Variants in PRKG1 observed in about 807,000 individuals in gnomAD.
The protein encoded by PRKG1 is protein kinase cGMP-dependent 1.
In PRKG1, 35 loss-of-function variants were observed where a neutral mutation model predicts 88.1. That is an observed-to-expected ratio of 0.40 (90% CI 0.30 to 0.53). The LOEUF is 0.53. Among genes scored for constraint, PRKG1 ranks in the 20% least tolerant of loss-of-function variants. The pLI, the probability that PRKG1 is intolerant of heterozygous loss-of-function variation, is 0.59. For synonymous variants in PRKG1, 303 were observed against 292.5 expected, an observed-to-expected ratio of 1.04 and a Z score of -0.37; for missense variants, 540 against 839.8, an observed-to-expected ratio of 0.64 and a Z score of 4.41.
rs1173572561 is a variant in PRKG1 at position 51,858,559 on chromosome 10, TA to T, written c.699-48938del. On this transcript the variant is annotated intron_variant, in intron 4 of 17. Coordinates refer to ENST00000373980, the MANE Select transcript of PRKG1 (RefSeq NM_006258.4). ...TCAGGCATGAACATATTGCAGATTC[TA>T]AAAAAAAAACCCTATTAAAACATTT... 7.6e-3 allele frequency among the ~76,000 whole-genome samples: 1,063 copies of T among 138,966 alleles called. 13 individuals carry two copies. Among genetic ancestry groups the T allele is most frequent in the African/African-American group, 0.026 (993 of 38,000 alleles). 91.2% of individuals were successfully genotyped at this position (138,966 alleles called of 152,430 possible).
chr10:52,095,128 C>T (rs1221979857), intron 7 of PRKG1, among the ~76,000 whole-genome samples: 1 of 152,150 alleles, frequency 6.6e-6, no homozygotes, highest in Non-Finnish European at 1.5e-5. Flanking sequence ...TTTACTTCTC[C>T]CCTCTATAGC....
chr10:51,820,240 T>G (rs1227514982), intron 4 of PRKG1, among the ~76,000 whole-genome samples: 1 of 152,200 alleles, frequency 6.6e-6, no homozygotes, highest in Non-Finnish European at 1.5e-5. Flanking sequence ...GCAGCTTTAG[T>G]GTTGCTGATA....
At chr10:52,054,249 C>T (rs1846056151) in intron 5 of PRKG1, among the ~76,000 whole-genome samples, 1 of 151,990 alleles carries the variant, frequency 6.6e-6, no homozygotes, top group Admixed American at 6.5e-5. Flanking sequence ...TGCACATGTA[C>T]CCTAAAACTT....
intron 3 of PRKG1, among the ~76,000 whole-genome samples, chr10:51,768,496 T>C (rs1838225852): frequency 6.6e-6 from 1 of 152,178 alleles, no homozygotes; most frequent in Admixed American, 6.6e-5. Context: ...TTTGTCCACA[T>C]TGCAAGTACC....
At chr10:52,044,243 T>C (rs1845815041) in intron 5 of PRKG1, among the ~76,000 whole-genome samples, 1 of 152,232 alleles carries the variant, frequency 6.6e-6, no homozygotes, top group Admixed American at 6.6e-5. Context: ...TATACCAAAA[T>C]GTAATTATAA....
intron 2 of PRKG1, among the ~76,000 whole-genome samples, chr10:51,252,030 A>G (rs544883896): frequency 2.7e-4 from 41 of 151,916 alleles, no homozygotes; most frequent in Non-Finnish European, 3.4e-4. Flanking sequence ...TATTGCATAT[A>G]TACGTTATTA....
intron 12 of PRKG1, among the ~76,000 whole-genome samples, chr10:52,273,604 T>C (rs1362761337): frequency 6.6e-6 from 1 of 152,106 alleles, no homozygotes; most frequent in East Asian, 1.9e-4. Flanking sequence ...TTTCGTGTTA[T>C]TCCCATGGCC....
intron 2 of PRKG1, among the ~76,000 whole-genome samples, chr10:51,322,205 C>T (rs1841475636): frequency 6.6e-6 from 1 of 152,094 alleles, no homozygotes. Flanking sequence ...GTCCTGAGGC[C>T]AGTGACAGCT....
chr10:51,960,416 A>C (rs1001771), intron 5 of PRKG1, among the ~76,000 whole-genome samples: 1 of 152,150 alleles, frequency 6.6e-6, no homozygotes, highest in Non-Finnish European at 1.5e-5. Flanking sequence ...TAACTTATAT[A>C]AACTATAATA....
intron 3 of PRKG1, among the ~76,000 whole-genome samples, chr10:51,801,910 C>T (rs2132606027): frequency 6.6e-6 from 1 of 152,220 alleles, no homozygotes; most frequent in Middle Eastern, 3.4e-3. Flanking sequence ...CATACTTGAA[C>T]AAAAAGGAAA....
chr10:51,026,062 T>C (rs914062727), intron 1 of PRKG1, among the ~76,000 whole-genome samples: 3 of 151,740 alleles, frequency 2.0e-5, no homozygotes, highest in African/African-American at 7.3e-5. Flanking sequence ...AAAACAGAGA[T>C]TGGGGTGATG....
chr10:51,506,129 C>T (rs929953440), intron 3 of PRKG1, among the ~76,000 whole-genome samples: 3 of 152,102 alleles, frequency 2.0e-5, no homozygotes, highest in Non-Finnish European at 4.4e-5. Flanking sequence ...TGGATCCCTT[C>T]CTTACACCTT....
intron 7 of PRKG1, among the ~76,000 whole-genome samples, chr10:52,123,982 T>C (rs1390296651): frequency 3.9e-5 from 6 of 152,200 alleles, no homozygotes; most frequent in Non-Finnish European, 4.4e-5. Flanking sequence ...ATAAGCTCTT[T>C]CCTAATTCAA....
chr10:51,197,376 G>A (rs529865861), intron 2 of PRKG1, among the ~76,000 whole-genome samples: 91 of 152,080 alleles, frequency 6.0e-4, no homozygotes, highest in African/African-American at 2.0e-3. Context: ...GTGTTCAAGC[G>A]ATTCTCCTGC....
chr10:51,219,164 T>C (rs1033151316), intron 2 of PRKG1, among the ~76,000 whole-genome samples: 1 of 152,224 alleles, frequency 6.6e-6, no homozygotes, highest in African/African-American at 2.4e-5. Flanking sequence ...TTACTCATTT[T>C]CAAAAATTAG....
At chr10:51,684,260 T>A (rs979573248) in intron 3 of PRKG1, among the ~76,000 whole-genome samples, 1 of 152,202 alleles carries the variant, frequency 6.6e-6, no homozygotes, top group African/African-American at 2.4e-5. Flanking sequence ...CGTTGTATGA[T>A]TCACTTTTTA....
chr10:51,089,068 T>C (rs575338273), intron 1 of PRKG1, among the ~76,000 whole-genome samples: 1 of 152,296 alleles, frequency 6.6e-6, no homozygotes, highest in South Asian at 2.1e-4. Context: ...GTTTATGTTA[T>C]TGGCCTGCCC....
rs149479766 is a variant in PRKG1, at chr10:51,523,637, C to T, written c.592+55801C>T. On this transcript the variant is annotated intron_variant, in intron 3 of 17. Transcript: ENST00000373980. ...TTTGTTTTATAGACCAACAGAGGCC[C>T]CTAGAGGCTCTGTCTCTCTTAAGAT... 3.9e-3 allele frequency among the ~76,000 whole-genome samples: 588 copies of T among 152,216 alleles called. 1 individual carries two copies. The highest frequency in any genetic ancestry group is 0.01 in the Middle Eastern group (3 of 294).
rs140325230 is a variant in PRKG1, at chr10:51,190,218, A to T, written c.478+36888A>T. Among the ~76,000 whole-genome samples the T allele has an allele frequency of 4.5e-4, 69 of 152,084 alleles. 1 individual carries two copies. The East Asian group carries it at 0.012, about 27-fold the overall frequency. ...ATTACATGATTACTTGTCTGCAAGT[A>T]AATAATAACTAAATAAGTGAGTAAA... On this transcript the variant is annotated intron_variant, in intron 2 of 17. Coordinates refer to ENST00000373980, the MANE Select transcript of PRKG1 (RefSeq NM_006258.4).
Sources: allele counts gnomAD v4.1 joint callset (sites outside exome capture counted in the v4.1 genomes callset), GRCh38; gene constraint gnomAD v4.1.1; transcripts MANE v1.5; gene names NCBI Gene and HGNC (gene_info 2026-07-23, HGNC 2026-07-21).